PALS1: variants seen among roughly 807,000 people sequenced by gnomAD.
PALS1 encodes the protein protein associated with LIN7 1, MAGUK p55 family member, also known as protein PALS1.
PALS1 carries 31 observed loss-of-function variants against 78.9 expected under a neutral mutation model. The ratio of observed to expected loss-of-function variants is 0.39; its 90% CI spans 0.30 to 0.53. The LOEUF is 0.53. Among genes scored for constraint, PALS1 ranks in the 20% least tolerant of loss-of-function variants. The probability of loss-of-function intolerance (pLI) is 0.67; values close to 1 mark genes in which losing one functional copy is unlikely to be tolerated. For missense variants in PALS1, 704 were observed against 826.5 expected, an observed-to-expected ratio of 0.85 and a Z score of 1.82; for synonymous variants, 276 against 270.9, an observed-to-expected ratio of 1.02 and a Z score of -0.18.
chr14:67,255,149 CAA>C (rs879416389), intron 1 of PALS1, among the ~76,000 whole-genome samples: 2 of 137,982 alleles, frequency 1.4e-5, no homozygotes, highest in Non-Finnish European at 1.6e-5. Flanking sequence ...CTCCATCTCT[CAA>C]AAAAAAAAAA....
chr14:67,266,188 A>G (rs998789661), intron 1 of PALS1, among the ~76,000 whole-genome samples: 1 of 152,116 alleles, frequency 6.6e-6, no homozygotes, highest in African/African-American at 2.4e-5. Flanking sequence ...AAAGAAATAT[A>G]TATTTATTTA....
intron 1 of PALS1, among the ~76,000 whole-genome samples, chr14:67,260,899 A>G (rs1425747433): frequency 6.6e-6 from 1 of 152,108 alleles, no homozygotes; most frequent in Admixed American, 6.6e-5. Context: ...GAAAATGGAA[A>G]AAGTATTCTA....
At chr14:67,331,108 A>G (rs2085442949) in intron 14 of PALS1, among the ~76,000 whole-genome samples, 1 of 151,824 alleles carries the variant, frequency 6.6e-6, no homozygotes, top group Admixed American at 6.6e-5. Flanking sequence ...GCAGTGGCAC[A>G]ATCTTGGTTC....
intron 14 of PALS1, among the ~76,000 whole-genome samples, chr14:67,331,120 C>T (rs2085443132): frequency 6.6e-6 from 1 of 152,216 alleles, no homozygotes; most frequent in Admixed American, 6.5e-5. Context: ...TCTTGGTTCA[C>T]TGCAACCTCT....
At chr14:67,254,559 T>G (rs529385427) in intron 1 of PALS1, among the ~76,000 whole-genome samples, 1 of 152,318 alleles carries the variant, frequency 6.6e-6, no homozygotes, top group East Asian at 1.9e-4. Flanking sequence ...CAGATTTTTC[T>G]TTTTTCCTTT....
chr14:67,292,218 G>A (rs2084782661), intron 3 of PALS1, among the ~76,000 whole-genome samples: 1 of 152,090 alleles, frequency 6.6e-6, no homozygotes, highest in South Asian at 2.1e-4. Flanking sequence ...ATTATTGGTG[G>A]TTTTAAATTT....
chr14:67,309,315 A>T (rs549455890), intron 8 of PALS1, among the ~76,000 whole-genome samples: 2 of 152,308 alleles, frequency 1.3e-5, no homozygotes, highest in Middle Eastern at 6.8e-3. Context: ...TATGGATAAA[A>T]GTCATATAGT....
At chr14:67,309,640 A>G (rs2085058225) in intron 8 of PALS1, among the ~76,000 whole-genome samples, 1 of 152,162 alleles carries the variant, frequency 6.6e-6, no homozygotes, top group Non-Finnish European at 1.5e-5. Flanking sequence ...TTGTTGGCCT[A>G]TGGCAATGGT....
intron 13 of PALS1, among the ~76,000 whole-genome samples, chr14:67,323,061 A>T (rs968063043): frequency 1.2e-4 from 18 of 152,106 alleles, no homozygotes; most frequent in Non-Finnish European, 2.5e-4. Context: ...TAATATGGTT[A>T]TTGTAATCTG....
chr14:67,309,582 T>C (rs2085057428), intron 8 of PALS1, among the ~76,000 whole-genome samples: 1 of 152,188 alleles, frequency 6.6e-6, no homozygotes, highest in Admixed American at 6.5e-5. Flanking sequence ...AGTTAAGGGA[T>C]GAGAACTGCA....
At chr14:67,331,567 T>C (rs561532510) in intron 14 of PALS1, among the ~76,000 whole-genome samples, 9 of 152,254 alleles carry the variant, frequency 5.9e-5, no homozygotes, top group African/African-American at 1.9e-4. Flanking sequence ...TTTTGCCTAG[T>C]TCAGCTAAAA....
chr14:67,303,498 A>C (rs1263939144), intron 7 of PALS1, 24 bp from the exon 8 acceptor site: 2 of 1,574,878 alleles, frequency 1.3e-6, no homozygotes, highest in Middle Eastern at 1.7e-4. Context: ...AAATTTAAAA[A>C]ATAACCTGAT....
chr14:67,281,209 A>G (rs2084605103), intron 3 of PALS1, among the ~76,000 whole-genome samples: 1 of 152,038 alleles, frequency 6.6e-6, no homozygotes, highest in Non-Finnish European at 1.5e-5. Context: ...AGTCTGGAGC[A>G]GTTTCTACTA....
At chr14:67,274,520 T>C (rs2084465709) in intron 2 of PALS1, among the ~76,000 whole-genome samples, 1 of 152,236 alleles carries the variant, frequency 6.6e-6, no homozygotes, top group South Asian at 2.1e-4. Flanking sequence ...TTTTGGTTAC[T>C]GTAACCTTGT....
intron 1 of PALS1, among the ~76,000 whole-genome samples, chr14:67,260,457 TAAC>T (rs1456023856): frequency 6.6e-6 from 1 of 152,234 alleles, no homozygotes; most frequent in African/African-American, 2.4e-5. Flanking sequence ...AAATATGAGT[TAAC>T]AAACTTTGCC....
At chr14:67,298,705 A>C (rs1191470674) in intron 4 of PALS1, among the ~76,000 whole-genome samples, 5 of 152,158 alleles carry the variant, frequency 3.3e-5, no homozygotes, top group Non-Finnish European at 7.4e-5. Context: ...AGTGTGTTTT[A>C]TTGTATAGTT....
At chr14:67,330,584 G>A (rs1460825392) in intron 14 of PALS1, among the ~76,000 whole-genome samples, 3 of 150,116 alleles carry the variant, frequency 2.0e-5, no homozygotes, top group East Asian at 4.0e-4. Context: ...TCAGCCTCCC[G>A]AGTAGCTGGG....
chr14:67,290,411 G>T (rs145743755), intron 3 of PALS1, among the ~76,000 whole-genome samples: 75 of 152,236 alleles, frequency 4.9e-4, no homozygotes, highest in African/African-American at 1.6e-3. Flanking sequence ...AGTGGAAAAG[G>T]AATTATTATT....
chr14:67,327,318 T>G (rs1449365331), intron 14 of PALS1, among the ~76,000 whole-genome samples: 1 of 152,122 alleles, frequency 6.6e-6, no homozygotes, highest in Non-Finnish European at 1.5e-5. Flanking sequence ...AATGTATGTT[T>G]TAATTGTATA....
Sources: allele counts gnomAD v4.1 joint callset (sites outside exome capture counted in the v4.1 genomes callset), GRCh38; gene constraint gnomAD v4.1.1; transcripts MANE v1.5; gene names NCBI Gene and HGNC (gene_info 2026-07-23, HGNC 2026-07-21).